The following RFC1 variants were observed in gnomAD, a reference collection of about 807,000 sequenced individuals.
RFC1 encodes replication factor C subunit 1, also known as A1 140 kDa subunit.
A neutral mutation model predicts 137.4 loss-of-function variants in RFC1; 37 were observed. That is an observed-to-expected ratio of 0.27 (90% CI 0.21 to 0.35). The LOEUF (loss-of-function observed/expected upper bound fraction) is 0.35, where lower values mean the gene tolerates loss of function less well. RFC1 is among the 10% of genes least tolerant of loss of function. The probability of loss-of-function intolerance (pLI) is 1.00; values close to 1 mark genes in which losing one functional copy is unlikely to be tolerated. For missense variants in RFC1, 1,205 were observed against 1,358.5 expected, an observed-to-expected ratio of 0.89 and a Z score of 1.78; for synonymous variants, 429 against 455.7, an observed-to-expected ratio of 0.94 and a Z score of 0.75.
At chr4:39,305,862 C>T (rs1362113107) in intron 14 of RFC1, among the ~76,000 whole-genome samples, 1 of 151,998 alleles carries the variant, frequency 6.6e-6, no homozygotes, top group Non-Finnish European at 1.5e-5. Context: ...TGTTGTTTTG[C>T]TTTTTCATTA....
chr4:39,293,299 C>T (rs1430991536), intron 22 of RFC1, among the ~76,000 whole-genome samples: 1 of 152,182 alleles, frequency 6.6e-6, no homozygotes, highest in African/African-American at 2.4e-5. Context: ...TTTACAGTAT[C>T]ATCATCTTCT....
At chr4:39,353,126 T>C (rs1741290127) in intron 1 of RFC1, among the ~76,000 whole-genome samples, 1 of 152,034 alleles carries the variant, frequency 6.6e-6, no homozygotes. Context: ...TAAGGCCAAG[T>C]AAGGTAGCTC....
At chr4:39,351,237 C>T in intron 2 of RFC1, 111 bp downstream of exon 2, 1 of 625,340 alleles carries the variant, frequency 1.6e-6, no homozygotes, top group Non-Finnish European at 2.1e-6. Context: ...GGCGACAGAG[C>T]AAGACTCTGT....
intron 6 of RFC1, among the ~76,000 whole-genome samples, chr4:39,326,068 TG>T (rs1739748741): frequency 1.3e-5 from 2 of 152,070 alleles, no homozygotes; most frequent in Non-Finnish European, 2.9e-5. Flanking sequence ...GGCGTAGTGG[TG>T]GGCGCCTGTA....
intron 4 of RFC1, among the ~76,000 whole-genome samples, chr4:39,328,502 T>C (rs1008755551): frequency 4.6e-5 from 7 of 152,160 alleles, no homozygotes; most frequent in Non-Finnish European, 7.4e-5. Context: ...AATGCCTCTT[T>C]GATAAACAAC....
rs17288237 is a variant in RFC1 at position 39,318,940 on chromosome 4, A to C, written c.1095+1443T>G. On this transcript the variant is annotated intron_variant, in intron 9 of 24. Coordinates refer to ENST00000349703, the MANE Select transcript of RFC1 (RefSeq NM_002913.5). ...TAGTGGTTTCTCATTATGAATCTAA[A>C]GTAGTTCCAAATTGGAGATTCAGAG... Among the ~76,000 whole-genome samples the C allele has an allele frequency of 8.8e-3, 1,347 of 152,340 alleles. 23 individuals carry two copies. Among genetic ancestry groups the C allele is most frequent in the African/African-American group, 0.029 (1,220 of 41,576 alleles).
At chr4:39,340,528 A>T (rs938426708) in intron 4 of RFC1, among the ~76,000 whole-genome samples, 1 of 152,200 alleles carries the variant, frequency 6.6e-6, no homozygotes, top group African/African-American at 2.4e-5. Flanking sequence ...CAATATTGAA[A>T]AGTATGGTTT....
At chr4:39,295,110 TC>T (rs1560587714) in intron 22 of RFC1, among the ~76,000 whole-genome samples, 1 of 152,232 alleles carries the variant, frequency 6.6e-6, no homozygotes, top group Non-Finnish European at 1.5e-5. Context: ...TTTTTGAACT[TC>T]CTTAAACTTT....
intron 4 of RFC1, among the ~76,000 whole-genome samples, chr4:39,329,149 A>AAAAAAAAAAAAAAAAAAT: frequency 7.3e-6 from 1 of 137,736 alleles, no homozygotes; most frequent in African/African-American, 2.5e-5. Flanking sequence ...AAAAAAAAAA[A>AAAAAAAAAAAAAAAAAAT]AAAAGCTTTT....
At position 39,288,552 on chromosome 4, in the gene RFC1, C is replaced by G. The variant is rs1737494208; in HGVS notation, c.*209G>C. ...GATTGACAGAGGACAGTGGAGGACC[C>G]AAGCAGTCCTATCAACCTCTATAAG... On this transcript the variant is annotated 3_prime_UTR_variant, in exon 25 of 25. Transcript: ENST00000349703. 4.3e-6 allele frequency: 2 copies of G among 465,486 alleles called. No homozygotes were observed. The allele number at this position is 465,486 out of a possible 1,614,324, so 28.8% of individuals were successfully genotyped here. A position where few individuals can be genotyped will look rare whatever the true frequency, so the allele number is the denominator to read the frequency against.
intron 13 of RFC1, 36 bp from the exon 14 acceptor site, chr4:39,306,737 A>AT: frequency 8.5e-7 from 1 of 1,179,276 alleles, no homozygotes; most frequent in Non-Finnish European, 1.3e-6. Flanking sequence ...GTGTCAACCT[A>AT]TATCACCTAA....
intron 2 of RFC1, among the ~76,000 whole-genome samples, chr4:39,351,086 T>C (rs1347986015): frequency 6.6e-6 from 1 of 151,424 alleles, no homozygotes; most frequent in Non-Finnish European, 1.5e-5. Flanking sequence ...CCGTCTCTAC[T>C]AAAAAATAGA....
At chr4:39,294,437 C>T (rs575866234) in intron 22 of RFC1, among the ~76,000 whole-genome samples, 1 of 152,226 alleles carries the variant, frequency 6.6e-6, no homozygotes, top group South Asian at 2.1e-4. Flanking sequence ...TTTCGGAGGC[C>T]AAGGAGGGTG....
At position 39,299,584 on chromosome 4, in the gene RFC1, G is replaced by A. The variant is rs1348569962; in HGVS notation, c.2808+437C>T. Among the ~76,000 whole-genome samples the A allele has an allele frequency of 2.9e-5, 4 of 138,752 alleles. No homozygotes were observed. In the Admixed American group the frequency reaches 3.1e-4, roughly 11 times the overall value. The allele number at this position is 138,752 out of a possible 152,430, so 91.0% of individuals were successfully genotyped here. A position where few individuals can be genotyped will look rare whatever the true frequency, so the allele number is the denominator to read the frequency against. ...GCCAAGATCACGCCACGGCACTCCA[G>A]CCTGGGCAACACAGCAACACTGTCT... On this transcript the variant is annotated intron_variant, in intron 21 of 24. Transcript: ENST00000349703.
intron 9 of RFC1, among the ~76,000 whole-genome samples, chr4:39,319,495 G>A (rs1253493246): frequency 1.3e-5 from 2 of 152,112 alleles, no homozygotes; most frequent in East Asian, 3.8e-4. Context: ...TAAAGTATTC[G>A]CACAGTATCT....
intron 2 of RFC1, among the ~76,000 whole-genome samples, chr4:39,347,731 A>G (rs1170835103): frequency 2.0e-5 from 3 of 152,228 alleles, no homozygotes; most frequent in African/African-American, 7.2e-5. Flanking sequence ...GAAGAGCTAG[A>G]GAAGAAGCCT....
chr4:39,311,587 T>G, intron 11 of RFC1, 38 bp from the exon 12 acceptor site: 1 of 1,524,782 alleles, frequency 6.6e-7, no homozygotes, highest in Non-Finnish European at 9.0e-7. Flanking sequence ...AACTGCATCC[T>G]GCATCCTACC....
intron 4 of RFC1, among the ~76,000 whole-genome samples, chr4:39,342,118 T>TTCA (rs1375214469): frequency 1.3e-5 from 2 of 152,194 alleles, no homozygotes; most frequent in African/African-American, 4.8e-5. Flanking sequence ...ACTTATATGA[T>TTCA]TCAATACAAG....
chr4:39,343,732 C>A (rs945193606), intron 3 of RFC1, among the ~76,000 whole-genome samples: 2 of 152,214 alleles, frequency 1.3e-5, no homozygotes, highest in African/African-American at 4.8e-5. Flanking sequence ...AGAGTAAACA[C>A]TTAAGTACTT....
Sources: allele counts gnomAD v4.1 joint callset (sites outside exome capture counted in the v4.1 genomes callset), GRCh38; gene constraint gnomAD v4.1.1; transcripts MANE v1.5; gene names NCBI Gene and HGNC (gene_info 2026-07-23, HGNC 2026-07-21).